Variants in RAB22A observed in about 807,000 individuals in gnomAD.
The protein encoded by RAB22A is ras-related protein Rab-22A.
A neutral mutation model predicts 30.2 loss-of-function variants in RAB22A; 13 were observed. The ratio of observed to expected loss-of-function variants is 0.43; its 90% CI spans 0.28 to 0.68. The LOEUF (loss-of-function observed/expected upper bound fraction) is 0.68. RAB22A is among the 30% of genes least tolerant of loss of function. RAB22A has a pLI of 0.18. For missense variants in RAB22A, 177 were observed against 246.8 expected, an observed-to-expected ratio of 0.72 and a Z score of 1.89; for synonymous variants, 89 against 87.2, an observed-to-expected ratio of 1.02 and a Z score of -0.11.
At chr20:58,351,535 C>T (rs144441402) in intron 3 of RAB22A, among the ~76,000 whole-genome samples, 93 of 152,208 alleles carry the variant, frequency 6.1e-4, no homozygotes, top group Middle Eastern at 3.4e-3. Flanking sequence ...AGATACAGGC[C>T]GGGCATGGTG....
chr20:58,315,276 C>T (rs1986313236), intron 2 of RAB22A, among the ~76,000 whole-genome samples: 1 of 152,138 alleles, frequency 6.6e-6, no homozygotes, highest in Non-Finnish European at 1.5e-5. Context: ...ATGTTTCTCA[C>T]CTCCCTCGGA....
intron 2 of RAB22A, among the ~76,000 whole-genome samples, chr20:58,320,858 C>G (rs1986442172): frequency 6.6e-6 from 1 of 152,076 alleles, no homozygotes; most frequent in South Asian, 2.1e-4. Context: ...GAGTTCAAGA[C>G]CAGCCTGGCC....
In RAB22A at chr20:58,365,162, T is replaced by C. The variant is rs1015713603; in HGVS notation, c.*5459T>C. The C allele has an allele frequency of 1.3e-5, 2 of 152,190 alleles. No homozygotes were observed. The highest frequency in any genetic ancestry group is 2.9e-5 in the Non-Finnish European group (2 of 68,038). The allele number at this position is 152,190 out of a possible 1,614,324, so 9.4% of individuals were successfully genotyped here. On this transcript the variant is annotated 3_prime_UTR_variant, in exon 7 of 7. Coordinates refer to ENST00000244040, the MANE Select transcript of RAB22A (RefSeq NM_020673.3). ...TGCTTGATTCAGGAACTTTTCATTGTTTGGGGAAGCTTTTGAATGCAGTAC... is the reference window on the plus strand; with the variant it reads ...TGCTTGATTCAGGAACTTTTCATTGCTTGGGGAAGCTTTTGAATGCAGTAC...
chr20:58,313,945 A>G (rs1174420946), intron 2 of RAB22A, among the ~76,000 whole-genome samples: 2 of 152,212 alleles, frequency 1.3e-5, no homozygotes, highest in African/African-American at 4.8e-5. Flanking sequence ...TACTTTTCAG[A>G]GCAAGTTTGC....
At chr20:58,316,012 A>C (rs1986330020) in intron 2 of RAB22A, among the ~76,000 whole-genome samples, 1 of 152,068 alleles carries the variant, frequency 6.6e-6, no homozygotes, top group East Asian at 1.9e-4. Flanking sequence ...TCCCCAGCAC[A>C]CACCAAGCAG....
intron 2 of RAB22A, among the ~76,000 whole-genome samples, chr20:58,332,284 T>C (rs62205885): frequency 6.6e-6 from 1 of 152,196 alleles, no homozygotes; most frequent in Non-Finnish European, 1.5e-5. Flanking sequence ...CATCCTCTAT[T>C]GAAACAGAGG....
chr20:58,343,244 T>C (rs957427340), intron 2 of RAB22A, among the ~76,000 whole-genome samples: 6 of 152,214 alleles, frequency 3.9e-5, no homozygotes, highest in African/African-American at 1.2e-4. Context: ...CTTAATGTTA[T>C]TAATTCGCAT....
intron 2 of RAB22A, among the ~76,000 whole-genome samples, chr20:58,340,398 C>G (rs940404690): frequency 6.6e-6 from 1 of 152,160 alleles, no homozygotes; most frequent in African/African-American, 2.4e-5. Context: ...CTAAAGGCCA[C>G]ACACCTTGCT....
chr20:58,330,830 G>C (rs1218308127), intron 2 of RAB22A, among the ~76,000 whole-genome samples: 1 of 152,176 alleles, frequency 6.6e-6, no homozygotes, highest in African/African-American at 2.4e-5. Context: ...TCTCTGCTCA[G>C]CTCTTTTTTT....
intron 6 of RAB22A, among the ~76,000 whole-genome samples, chr20:58,356,319 A>C (rs1022046648): frequency 6.6e-6 from 1 of 152,134 alleles, no homozygotes; most frequent in Non-Finnish European, 1.5e-5. Context: ...CTCAAAAAAA[A>C]AAAAAAAGGA....
In RAB22A at chr20:58,353,984, T is replaced by C. The variant is rs1331995865; in HGVS notation, c.378-172T>C. ...AGTGGTACCGAGTTTTGTTTCACTT[T>C]GTTTGTTTACCCATGGATGTGGTGT... On this transcript the variant is annotated intron_variant, in intron 5 of 6. Transcript: ENST00000244040. Among the ~76,000 whole-genome samples the C allele has an allele frequency of 3.9e-5, 6 of 152,334 alleles. No individual in the cohort carries two copies. The South Asian group carries it at 1.2e-3, about 32-fold the overall frequency.
chr20:58,315,583 C>T (rs1326284358), intron 2 of RAB22A, among the ~76,000 whole-genome samples: 2 of 151,856 alleles, frequency 1.3e-5, no homozygotes, highest in Non-Finnish European at 2.9e-5. Context: ...GCCCTGCCTA[C>T]CTTATAGGGA....
chr20:58,353,380 A>G, intron 4 of RAB22A, 36 bp downstream of exon 4: 1 of 1,610,122 alleles, frequency 6.2e-7, no homozygotes. Flanking sequence ...TTGTTTTGAA[A>G]ACTCTTTTGG....
rs559330817 is a variant in RAB22A, at chr20:58,356,267, C to T, written c.487+2002C>T. 1.3e-4 allele frequency among the ~76,000 whole-genome samples: 20 copies of T among 150,114 alleles called. No individual in the cohort carries two copies. The South Asian group carries it at 4.2e-3, about 32-fold the overall frequency. Reference sequence around the variant, plus strand: ...TGGAGATTGCAGTGAGCCGAGATCACGCCATTGCACTCCAGCCTGGGCAAC... The same window carrying T: ...TGGAGATTGCAGTGAGCCGAGATCATGCCATTGCACTCCAGCCTGGGCAAC... On this transcript the variant is annotated intron_variant, in intron 6 of 6. Coordinates refer to ENST00000244040, the MANE Select transcript of RAB22A (RefSeq NM_020673.3).
At chr20:58,352,884 A>G (rs1987076486) in intron 3 of RAB22A, among the ~76,000 whole-genome samples, 1 of 152,240 alleles carries the variant, frequency 6.6e-6, no homozygotes, top group South Asian at 2.1e-4. Flanking sequence ...AAATGCAGCT[A>G]CTTCTCTGGA....
rs1986184400 is a variant in RAB22A, at chr20:58,309,874, G to C, written c.-103G>C. The C allele has an allele frequency of 8.8e-7, 1 of 1,136,770 alleles. No homozygotes were observed. The highest frequency in any genetic ancestry group is 1.1e-6 in the Non-Finnish European group (1 of 889,570). The allele number at this position is 1,136,770 out of a possible 1,614,324, so 70.4% of individuals were successfully genotyped here. ...AGCCGCCTCTGCGCGGACCGGGGCT[G>C]GGCCGTGCGGCGGCAGCGGCGCCAG... On this transcript the variant is annotated 5_prime_UTR_variant, in exon 1 of 7. Coordinates refer to ENST00000244040, the MANE Select transcript of RAB22A (RefSeq NM_020673.3).
chr20:58,337,341 A>G (rs1465013894), intron 2 of RAB22A, among the ~76,000 whole-genome samples: 1 of 151,794 alleles, frequency 6.6e-6, no homozygotes, highest in Non-Finnish European at 1.5e-5. Context: ...TGTTCAGATC[A>G]CCTTCTCTTC....
intron 2 of RAB22A, among the ~76,000 whole-genome samples, chr20:58,317,166 G>A (rs537552880): frequency 8.6e-5 from 13 of 151,836 alleles, no homozygotes; most frequent in East Asian, 5.8e-4. Flanking sequence ...GCGCAATCTC[G>A]GCTCACTGCA....
intron 2 of RAB22A, among the ~76,000 whole-genome samples, chr20:58,333,114 T>A (rs935365682): frequency 6.6e-6 from 1 of 151,904 alleles, no homozygotes; most frequent in Non-Finnish European, 1.5e-5. Flanking sequence ...ACCCTGTCTC[T>A]ACTAAAAATA....
Sources: allele counts gnomAD v4.1 joint callset (sites outside exome capture counted in the v4.1 genomes callset), GRCh38; gene constraint gnomAD v4.1.1; transcripts MANE v1.5; gene names NCBI Gene and HGNC (gene_info 2026-07-23, HGNC 2026-07-21).